MEGF9: variants seen among roughly 807,000 people sequenced by gnomAD.
MEGF9 encodes multiple epidermal growth factor-like domains protein 9.
Under a neutral mutation model 46.8 loss-of-function variants are expected in MEGF9, and 6 were observed. The observed-to-expected ratio is 0.13, with a 90% CI of 0.07 to 0.25. The LOEUF is 0.25. Ranked by LOEUF, MEGF9 falls within the 10% of genes least tolerant of loss-of-function variation. The pLI is 1.00. For synonymous variants in MEGF9, 302 were observed against 330.7 expected, an observed-to-expected ratio of 0.91 and a Z score of 0.94; for missense variants, 683 against 792.4, an observed-to-expected ratio of 0.86 and a Z score of 1.66.
chr9:120,675,403 T>C (rs1016234663), intron 1 of MEGF9, among the ~76,000 whole-genome samples: 1 of 151,890 alleles, frequency 6.6e-6, no homozygotes, highest in African/African-American at 2.4e-5. Flanking sequence ...CTGGGCAACA[T>C]AGTGAAACCC....
chr9:120,711,873 C>CACA (rs2043955555), intron 1 of MEGF9, among the ~76,000 whole-genome samples: 45 of 78,432 alleles, frequency 5.7e-4, no homozygotes, highest in African/African-American at 2.1e-3. Flanking sequence ...ACACACACAC[C>CACA]CACAGGCCTG....
chr9:120,643,711 CTTTTT>C (rs905342541), intron 2 of MEGF9, among the ~76,000 whole-genome samples: 1 of 141,500 alleles, frequency 7.1e-6, no homozygotes, highest in Non-Finnish European at 1.6e-5. Context: ...TTTTTTTTTT[CTTTTT>C]TTTTTTGAGA....
At chr9:120,614,170 C>T (rs2043461285) in intron 3 of MEGF9, among the ~76,000 whole-genome samples, 1 of 152,088 alleles carries the variant, frequency 6.6e-6, no homozygotes, top group South Asian at 2.1e-4. Flanking sequence ...ATTACAGGCG[C>T]ATGTCACCAC....
intron 1 of MEGF9, among the ~76,000 whole-genome samples, chr9:120,713,023 T>C (rs555600438): frequency 5.9e-5 from 9 of 152,320 alleles, no homozygotes; most frequent in African/African-American, 2.2e-4. Context: ...AAAATAGGCA[T>C]CCTTGCTTAA....
At chr9:120,611,865 A>AGGAAGGAAGGAAGGAAGAAAGAGAG (rs572613293) in intron 4 of MEGF9, among the ~76,000 whole-genome samples, 21 of 137,150 alleles carry the variant, frequency 1.5e-4, no homozygotes, top group African/African-American at 5.9e-4. Flanking sequence ...GGAAGGAAGA[A>AGGAAGGAAGGAAGGAAGAAAGAGAG]AGAGAGAGAG....
chr9:120,605,900 G>A lies in MEGF9; in HGVS notation c.1358-259C>T, dbSNP rs539177255. 4.6e-5 allele frequency among the ~76,000 whole-genome samples: 7 copies of A among 152,270 alleles called. No individual in the cohort carries two copies. The highest frequency in any genetic ancestry group is 8.8e-5 in the Non-Finnish European group (6 of 68,004). On this transcript the variant is annotated intron_variant, in intron 5 of 5. Transcript: ENST00000373930. The surrounding 1 kb of genome is among the most constrained non-coding windows in gnomAD (Gnocchi z 4.0). Reference sequence around the variant, plus strand: ...CTACATTAAAATCTTTGGGCCGGGCGTGGTGGCTCACACCTGTAATCCCAG... The same window carrying A: ...CTACATTAAAATCTTTGGGCCGGGCATGGTGGCTCACACCTGTAATCCCAG...
chr9:120,652,142 G>GCACACACA (rs869130385), intron 2 of MEGF9, among the ~76,000 whole-genome samples: 3 of 26,138 alleles, frequency 1.1e-4, no homozygotes, highest in South Asian at 2.5e-3. Context: ...AAACAAACAA[G>GCACACACA]CACACACACA....
chr9:120,708,166 T>C (rs1033025609), intron 1 of MEGF9, among the ~76,000 whole-genome samples: 17 of 152,114 alleles, frequency 1.1e-4, no homozygotes, highest in African/African-American at 3.6e-4. Flanking sequence ...GAGACTAGCC[T>C]GGGCAACATG....
At chr9:120,694,286 C>T (rs1036652018) in intron 1 of MEGF9, among the ~76,000 whole-genome samples, 2 of 152,214 alleles carry the variant, frequency 1.3e-5, no homozygotes. Context: ...TTTGGGCAAA[C>T]AACTTAACCT....
At chr9:120,703,824 T>C (rs2043915790) in intron 1 of MEGF9, among the ~76,000 whole-genome samples, 1 of 151,756 alleles carries the variant, frequency 6.6e-6, no homozygotes, top group African/African-American at 2.4e-5. Context: ...AATACAAAAA[T>C]TAGCTGGGTG....
rs779837070 is a variant in MEGF9, at chr9:120,713,954, G to A, written c.405C>T (p.Thr135=). 7.2e-7 allele frequency: 1 copy of A among 1,384,346 alleles called. No homozygotes were observed. Among genetic ancestry groups the A allele is most frequent in the Admixed American group, 2.8e-5 (1 of 36,120 alleles). The allele number at this position is 1,384,346 out of a possible 1,614,324, so 85.8% of individuals were successfully genotyped here. Residue 135 remains threonine (T), a synonymous_variant, in exon 1 of 6, where the codon ACC becomes ACT. Coordinates refer to ENST00000373930, the MANE Select transcript of MEGF9 (RefSeq NM_001080497.3). ...TTPPAAERTS[T]TSQAPTRPAP... is the part of the protein sequence containing the mutation. The stretch of plus-strand genomic sequence containing the variant: ...CGGGTCTGGTCGGCGCCTGAGAGGT[G>A]GTCGAAGTGCGTTCCGCCGCCGGAG...
At chr9:120,659,716 C>T (rs1196180701) in intron 1 of MEGF9, 141 bp from the exon 2 acceptor site, 2 of 707,768 alleles carry the variant, frequency 2.8e-6, no homozygotes, top group Non-Finnish European at 4.5e-6. Flanking sequence ...TTCAAATTTA[C>T]TTTCTATCCC....
intron 2 of MEGF9, among the ~76,000 whole-genome samples, chr9:120,647,157 T>C (rs948985979): frequency 3.3e-5 from 5 of 151,918 alleles, no homozygotes; most frequent in Non-Finnish European, 5.9e-5. Flanking sequence ...TTTTTTTTTT[T>C]CATTCATTTG....
intron 2 of MEGF9, among the ~76,000 whole-genome samples, chr9:120,648,084 C>A (rs1019004177): frequency 6.6e-6 from 1 of 152,072 alleles, no homozygotes; most frequent in Non-Finnish European, 1.5e-5. Flanking sequence ...TAGATTGTTA[C>A]AACAGCTTTC....
chr9:120,638,120 A>G (rs945663347), intron 2 of MEGF9, among the ~76,000 whole-genome samples: 4 of 151,976 alleles, frequency 2.6e-5, no homozygotes, highest in African/African-American at 9.7e-5. Context: ...AGCCCCTCTG[A>G]GTTGCTAGGA....
chr9:120,661,579 C>G (rs1383313305), intron 1 of MEGF9, among the ~76,000 whole-genome samples: 1 of 152,184 alleles, frequency 6.6e-6, no homozygotes, highest in Non-Finnish European at 1.5e-5. Context: ...TATTTTATGT[C>G]TATTTCAAAC....
intron 1 of MEGF9, among the ~76,000 whole-genome samples, chr9:120,671,500 T>C (rs186278405): frequency 6.6e-6 from 1 of 152,324 alleles, no homozygotes; most frequent in East Asian, 1.9e-4. Flanking sequence ...CATAACTCTA[T>C]GCACATAAAT....
intron 1 of MEGF9, among the ~76,000 whole-genome samples, chr9:120,692,623 C>T (rs948823589): frequency 6.6e-6 from 1 of 152,112 alleles, no homozygotes; most frequent in African/African-American, 2.4e-5. Flanking sequence ...GATTTGACAA[C>T]TTTGGACCAT....
intron 1 of MEGF9, among the ~76,000 whole-genome samples, chr9:120,693,465 A>G (rs909205592): frequency 6.6e-6 from 1 of 152,222 alleles, no homozygotes; most frequent in African/African-American, 2.4e-5. Flanking sequence ...GCTCTATTAC[A>G]CAAGATCATC....
Sources: allele counts gnomAD v4.1 joint callset (sites outside exome capture counted in the v4.1 genomes callset), GRCh38; gene constraint gnomAD v4.1.1; non-coding constraint Gnocchi (gnomAD v3.1); transcripts MANE v1.5; gene names NCBI Gene and HGNC (gene_info 2026-07-23, HGNC 2026-07-21).